The following PEPD variants were observed in gnomAD, a reference collection of about 807,000 sequenced individuals.
PEPD encodes the protein xaa-Pro dipeptidase.
PEPD carries 53 observed loss-of-function variants against 60.7 expected under a neutral mutation model. The observed-to-expected ratio is 0.87, with a 90% CI of 0.70 to 1.10. The LOEUF (loss-of-function observed/expected upper bound fraction) is 1.10. PEPD is among the 50% of genes least tolerant of loss of function. PEPD has a pLI of 0.00. For missense variants in PEPD, 711 were observed against 711.9 expected, an observed-to-expected ratio of 1.00 and a Z score of 0.01; for synonymous variants, 267 against 284.1, an observed-to-expected ratio of 0.94 and a Z score of 0.60.
At chr19:33,495,589 G>C (rs541162471) in intron 4 of PEPD, among the ~76,000 whole-genome samples, 3 of 152,232 alleles carry the variant, frequency 2.0e-5, no homozygotes, top group Admixed American at 2.0e-4. Flanking sequence ...CTGGCCCAAT[G>C]ATCCTCCAGA....
chr19:33,397,691 T>G (rs1600081883), intron 12 of PEPD, among the ~76,000 whole-genome samples: 2 of 139,178 alleles, frequency 1.4e-5, no homozygotes, highest in African/African-American at 2.7e-5. Flanking sequence ...CAAAGCCCAG[T>G]GGTGGGTGGG....
chr19:33,441,605 G>A (rs1969481638), intron 9 of PEPD, among the ~76,000 whole-genome samples: 1 of 152,206 alleles, frequency 6.6e-6, no homozygotes, highest in Non-Finnish European at 1.5e-5. Context: ...TCACTCAGGA[G>A]CATTTATGAG....
intron 6 of PEPD, among the ~76,000 whole-genome samples, chr19:33,480,813 CGTGTGTGT>C (rs67751032): frequency 3.1e-5 from 4 of 127,746 alleles, no homozygotes; most frequent in South Asian, 2.4e-4. Context: ...ATATATATAG[CGTGTGTGT>C]GTGTGTGTGT....
intron 6 of PEPD, among the ~76,000 whole-genome samples, chr19:33,489,321 T>C (rs1970453747): frequency 6.6e-6 from 1 of 152,068 alleles, no homozygotes; most frequent in Non-Finnish European, 1.5e-5. Flanking sequence ...AAGGGGTTAA[T>C]GGCTGGGACT....
chr19:33,440,781 C>T (rs1271857239), intron 9 of PEPD, among the ~76,000 whole-genome samples: 1 of 152,240 alleles, frequency 6.6e-6, no homozygotes, highest in African/African-American at 2.4e-5. Context: ...CCCTCTAGAG[C>T]TTCACAGATG....
At chr19:33,414,997 G>A (rs1305263430) in intron 9 of PEPD, among the ~76,000 whole-genome samples, 2 of 152,146 alleles carry the variant, frequency 1.3e-5, no homozygotes, top group Admixed American at 6.5e-5. Flanking sequence ...GCTGAGTTTC[G>A]CCACAGTCCA....
intron 9 of PEPD, among the ~76,000 whole-genome samples, chr19:33,439,191 G>C (rs908322076): frequency 3.9e-5 from 6 of 152,216 alleles, no homozygotes; most frequent in African/African-American, 1.4e-4. Context: ...GTGCGACGTG[G>C]ACAGGGCTCC....
At chr19:33,408,616 A>T (rs1968694779) in intron 11 of PEPD, among the ~76,000 whole-genome samples, 2 of 152,188 alleles carry the variant, frequency 1.3e-5, no homozygotes, top group South Asian at 4.1e-4. Flanking sequence ...ATTCCCCACA[A>T]AATCCCATTC....
At chr19:33,509,874 T>C (rs1970887777) in intron 3 of PEPD, among the ~76,000 whole-genome samples, 1 of 152,132 alleles carries the variant, frequency 6.6e-6, no homozygotes, top group Admixed American at 6.5e-5. Context: ...GCAGGCACCA[T>C]GGAGGGTGGA....
chr19:33,387,517 C>T (rs771767269), intron 14 of PEPD, 36 bp from the exon 15 acceptor site: 1 of 1,611,684 alleles, frequency 6.2e-7, no homozygotes, highest in Non-Finnish European at 8.5e-7. Flanking sequence ...TATCATAGAG[C>T]AGCCTCATGT....
intron 8 of PEPD, 36 bp downstream of exon 8, chr19:33,463,951 C>T (rs770476266): frequency 3.5e-6 from 5 of 1,429,854 alleles, no homozygotes; most frequent in South Asian, 1.2e-5. Context: ...AGCAACACTG[C>T]TTTCCCCACT....
chr19:33,387,881 G>A lies in PEPD; in HGVS notation c.1344+9C>T. On this transcript the variant is annotated intron_variant, in intron 14 of 14. Transcript: ENST00000244137. ...TCTGGGAGCAAGAATGGGGCCCGTG[G>A]GCACTCACCCCGCCAAAACCGCGAA... 1.3e-6 allele frequency: 2 copies of A among 1,555,020 alleles called. No individual in the cohort carries two copies. The highest frequency in any genetic ancestry group is 2.4e-5 in the South Asian group (2 of 84,620).
intron 9 of PEPD, among the ~76,000 whole-genome samples, chr19:33,429,231 G>A (rs1969219788): frequency 6.6e-6 from 1 of 152,190 alleles, no homozygotes; most frequent in Non-Finnish European, 1.5e-5. Flanking sequence ...ATGGCAGCAT[G>A]AGCAAGAAAT....
At position 33,413,619 on chromosome 19, in the gene PEPD, G is replaced by C. The variant is rs1212822412; in HGVS notation, c.696C>G (p.Ser232=). The C allele has an allele frequency of 1.3e-6, 2 of 1,588,930 alleles. No individual in the cohort carries two copies. Among genetic ancestry groups the C allele is most frequent in the Admixed American group, 1.8e-5 (1 of 57,082 alleles). The change falls in exon 10 of 15, where the codon TCC becomes TCG. Residue 232 remains serine (S), a synonymous_variant. Transcript: ENST00000244137. ...LESLFEHYCY[S]RGGMRHSSYT... ...AGGAGCTGTGGCGCATGCCGCCCCG[G>C]GAGTAGCAGTAGTGCTCGAAGAGGC...
intron 11 of PEPD, among the ~76,000 whole-genome samples, chr19:33,406,946 A>G (rs1968642228): frequency 6.6e-6 from 1 of 152,142 alleles, no homozygotes; most frequent in African/African-American, 2.4e-5. Context: ...CCCCATGCCC[A>G]GGAGCAACAC....
At chr19:33,439,800 G>T (rs560885305) in intron 9 of PEPD, among the ~76,000 whole-genome samples, 8 of 152,286 alleles carry the variant, frequency 5.3e-5, no homozygotes, top group Admixed American at 2.0e-4. Context: ...CAACCTACAG[G>T]GTGCTGCCAC....
intron 1 of PEPD, among the ~76,000 whole-genome samples, chr19:33,514,891 C>T (rs957956207): frequency 7.9e-5 from 12 of 152,074 alleles, no homozygotes; most frequent in Non-Finnish European, 1.5e-4. Context: ...CTTCCCTTAA[C>T]GTTCGCACAG....
intron 5 of PEPD, among the ~76,000 whole-genome samples, chr19:33,490,893 C>A (rs886768749): frequency 6.6e-6 from 1 of 151,950 alleles, no homozygotes; most frequent in East Asian, 2.0e-4. Context: ...GAACTCTTGA[C>A]CTCAAGTGAT....
chr19:33,450,441 T>C (rs1406604282), intron 9 of PEPD, among the ~76,000 whole-genome samples: 1 of 152,210 alleles, frequency 6.6e-6, no homozygotes, highest in Non-Finnish European at 1.5e-5. Flanking sequence ...AGGAATATGA[T>C]TTGCTAAAGA....
Sources: allele counts gnomAD v4.1 joint callset (sites outside exome capture counted in the v4.1 genomes callset), GRCh38; gene constraint gnomAD v4.1.1; transcripts MANE v1.5; gene names NCBI Gene and HGNC (gene_info 2026-07-23, HGNC 2026-07-21).